The following GALNT11 variants were observed in gnomAD, a reference collection of about 807,000 sequenced individuals.
The protein encoded by GALNT11 is UDP-GalNAc:polypeptide N-acetylgalactosaminyltransferase 11.
In GALNT11, 47 loss-of-function variants were observed where a neutral mutation model predicts 72.7. The observed-to-expected ratio is 0.65, with a 90% CI of 0.51 to 0.82. The LOEUF (loss-of-function observed/expected upper bound fraction) is 0.82. Ranked by LOEUF, GALNT11 falls within the 40% of genes least tolerant of loss-of-function variation. The pLI is 0.00. For synonymous variants in GALNT11, 270 were observed against 286.6 expected, an observed-to-expected ratio of 0.94 and a Z score of 0.58; for missense variants, 677 against 778.4, an observed-to-expected ratio of 0.87 and a Z score of 1.55.
Position 152,094,459 on chromosome 7 carries a change from G to C in GALNT11, c.232G>C (p.Asp78His), listed in dbSNP as rs142364473. ...EPQFKANKID[D>H]VIDSRVEDPE... ...ACAGTTCAAAGCAAACAAAATTGACGATGTGATAGACAGTCGTGTTGAAGA... is the reference window on the plus strand; with the variant it reads ...ACAGTTCAAAGCAAACAAAATTGACCATGTGATAGACAGTCGTGTTGAAGA... The change falls in exon 2 of 12, where the codon GAT (aspartate) becomes CAT (histidine). Residue 78 changes from aspartate (D) to histidine (H), a missense_variant. Coordinates refer to ENST00000430044, the MANE Select transcript of GALNT11 (RefSeq NM_022087.4). The surrounding 1 kb of genome is among the most constrained non-coding windows in gnomAD (Gnocchi z 4.3). 2.1e-5 allele frequency: 34 copies of C among 1,613,996 alleles called. No individual in the cohort carries two copies. The African/African-American group carries it at 4.1e-4, about 20-fold the overall frequency.
chr7:152,053,208 A>G (rs2083483191), intron 1 of GALNT11, among the ~76,000 whole-genome samples: 1 of 152,150 alleles, frequency 6.6e-6, no homozygotes, highest in Non-Finnish European at 1.5e-5. Context: ...TTTTGCATGC[A>G]GAACAAGTTA....
intron 1 of GALNT11, among the ~76,000 whole-genome samples, chr7:152,063,270 C>T (rs1228012053): frequency 6.6e-6 from 1 of 152,154 alleles, no homozygotes; most frequent in African/African-American, 2.4e-5. Context: ...TTATAGTATT[C>T]TCTGATGGTA....
rs6968975 is a variant in GALNT11, at chr7:152,094,073, A to C, written c.-38-117A>C. The C allele has an allele frequency of 0.024, 19,412 of 797,744 alleles. 2,732 individuals are homozygous for C. In the African/African-American group the frequency reaches 0.3, roughly 12 times the overall value. The allele number at this position is 797,744 out of a possible 1,614,324, so 49.4% of individuals were successfully genotyped here. On this transcript the variant is annotated intron_variant, in intron 1 of 11. Coordinates refer to ENST00000430044, the MANE Select transcript of GALNT11 (RefSeq NM_022087.4). This position sits in a 1 kb window ranked among gnomAD's most constrained non-coding sequence, Gnocchi z 4.3. ...TCCATACATCTTCTTGTATTTGAAT[A>C]TCCGTTAACTGTACGCATAGTGGTC...
intron 1 of GALNT11, among the ~76,000 whole-genome samples, chr7:152,069,071 T>C (rs1397313603): frequency 6.6e-6 from 1 of 152,226 alleles, no homozygotes; most frequent in Non-Finnish European, 1.5e-5. Flanking sequence ...AATATTTTCA[T>C]TTAATGCTGC....
Position 152,105,246 on chromosome 7 carries a change from T to C in GALNT11, c.588T>C (p.Asp196=). The C allele has an allele frequency of 5.0e-6, 8 of 1,612,564 alleles. No individual in the cohort carries two copies. Among genetic ancestry groups the C allele is most frequent in the Non-Finnish European group, 6.8e-6 (8 of 1,179,460 alleles). The change falls in exon 5 of 12, where the codon GAT becomes GAC. Residue 196 remains aspartate, a splice_region_variant and synonymous_variant. Transcript: ENST00000430044. ...ATAATTGTGGGACTTTATTTTCAGA[T>C]GATTTGAAAGGAGAACTAGATGAAT... ...IILVDDDSDF[D]DLKGELDEYV... is the part of the protein sequence containing the mutation.
At chr7:152,097,520 C>G (rs1473987337) in intron 2 of GALNT11, among the ~76,000 whole-genome samples, 1 of 152,176 alleles carries the variant, frequency 6.6e-6, no homozygotes, top group Admixed American at 6.5e-5. Context: ...GAAGAATTGT[C>G]AACAGGTGCT....
At chr7:152,057,336 T>C (rs2083742249) in intron 1 of GALNT11, among the ~76,000 whole-genome samples, 1 of 151,538 alleles carries the variant, frequency 6.6e-6, no homozygotes, top group African/African-American at 2.4e-5. Flanking sequence ...AGATGGAGTT[T>C]CACTCTGTTG....
intron 1 of GALNT11, among the ~76,000 whole-genome samples, chr7:152,091,118 G>A (rs1225285206): frequency 1.3e-5 from 1 of 78,032 alleles, no homozygotes; most frequent in Non-Finnish European, 2.4e-5. Context: ...TGCGATCTCG[G>A]CTCACTGCAA....
intron 1 of GALNT11, among the ~76,000 whole-genome samples, chr7:152,069,997 C>CTT (rs879494057): frequency 0.043 from 6,222 of 143,104 alleles, 295 homozygotes; most frequent in East Asian, 0.18. Context: ...TTTTCTTTTT[C>CTT]TTTTTCTTTT....
chr7:152,114,736 C>T (rs1298562571), intron 8 of GALNT11, among the ~76,000 whole-genome samples: 1 of 152,042 alleles, frequency 6.6e-6, no homozygotes, highest in Non-Finnish European at 1.5e-5. Flanking sequence ...CTGGTTGCTG[C>T]TGTATTTGTG....
intron 2 of GALNT11, among the ~76,000 whole-genome samples, chr7:152,098,953 A>AT (rs76351728): frequency 4.0e-5 from 6 of 151,854 alleles, no homozygotes; most frequent in African/African-American, 1.5e-4. Flanking sequence ...ACTGCATTCT[A>AT]TTTTTTTTGA....
At chr7:152,107,915 C>T (rs960445200) in intron 5 of GALNT11, 123 bp from the exon 6 acceptor site, 1 of 1,184,792 alleles carries the variant, frequency 8.4e-7, no homozygotes, top group East Asian at 2.4e-5. Flanking sequence ...GTTAGGCCGT[C>T]TGGGGCTGGG....
chr7:152,114,204 A>C (rs1218194549), intron 8 of GALNT11, among the ~76,000 whole-genome samples: 5 of 152,182 alleles, frequency 3.3e-5, no homozygotes, highest in African/African-American at 1.2e-4. Flanking sequence ...GATTTATTGA[A>C]GTATAATCCA....
intron 1 of GALNT11, among the ~76,000 whole-genome samples, chr7:152,063,806 A>G (rs2084152699): frequency 6.6e-6 from 1 of 152,186 alleles, no homozygotes. Context: ...TTCTAGTTTG[A>G]TTGCACTGTG....
At chr7:152,111,570 C>T (rs2088200531) in intron 7 of GALNT11, among the ~76,000 whole-genome samples, 1 of 152,034 alleles carries the variant, frequency 6.6e-6, no homozygotes, top group South Asian at 2.1e-4. Context: ...CTTCATCCCT[C>T]ACTCCTCTCC....
At chr7:152,105,888 T>C (rs112483588) in intron 5 of GALNT11, among the ~76,000 whole-genome samples, 5,626 of 152,284 alleles carry the variant, frequency 0.037, 157 homozygotes, top group Middle Eastern at 0.13. Context: ...TTAATCCTTC[T>C]GATTCCATCA....
chr7:152,113,240 G>T lies in GALNT11; in HGVS notation c.1081-6G>T. 1 of 1,603,876 alleles carries T rather than the reference G, an allele frequency of 6.2e-7. No homozygotes were observed. The highest frequency in any genetic ancestry group is 1.1e-5 in the South Asian group (1 of 88,936). On this transcript the variant is annotated splice_polypyrimidine_tract_variant and splice_region_variant and intron_variant, in intron 7 of 11. Transcript: ENST00000430044. ...ACTGTTAACACCTGTTTTTGCTTCT[G>T]GCCAGATCTGGATGTGTGGCGGTAA...
intron 10 of GALNT11, 105 bp from the exon 11 acceptor site, chr7:152,120,726 G>C: frequency 9.8e-7 from 1 of 1,023,336 alleles, no homozygotes; most frequent in East Asian, 2.4e-5. Context: ...GCATTGGTCT[G>C]TTTCTGCTTT....
chr7:152,056,321 G>C (rs1029945706), intron 1 of GALNT11, among the ~76,000 whole-genome samples: 1 of 152,202 alleles, frequency 6.6e-6, no homozygotes, highest in Non-Finnish European at 1.5e-5. Flanking sequence ...TTACCCAATG[G>C]ATGTTAATAG....
Sources: allele counts gnomAD v4.1 joint callset (sites outside exome capture counted in the v4.1 genomes callset), GRCh38; gene constraint gnomAD v4.1.1; non-coding constraint Gnocchi (gnomAD v3.1); transcripts MANE v1.5; gene names NCBI Gene and HGNC (gene_info 2026-07-23, HGNC 2026-07-21).